The following AHDC1 variants were observed in gnomAD, a reference collection of about 807,000 sequenced individuals.
AHDC1 encodes the protein transcription factor Gibbin.
Under a neutral mutation model 87.9 loss-of-function variants are expected in AHDC1, and 7 were observed. That is an observed-to-expected ratio of 0.08 (90% confidence interval 0.05 to 0.15). The LOEUF (loss-of-function observed/expected upper bound fraction) is 0.15. Among genes scored for constraint, AHDC1 ranks in the 10% least tolerant of loss-of-function variants. The pLI, the probability that AHDC1 is intolerant of heterozygous loss-of-function variation, is 1.00. For synonymous variants in AHDC1, 1,051 were observed against 1,006.8 expected (o/e 1.04, Z -0.83); for missense variants, 1,841 against 2,253.2 (o/e 0.82, Z 3.70).
chr1:27,546,439 A>C (rs1272389897), intron 8 of AHDC1, among the ~76,000 whole-genome samples: 2 of 152,176 alleles, frequency 1.3e-5, no homozygotes. Flanking sequence ...ACACTCTTTA[A>C]CTGAACTCTC....
At chr1:27,540,074 TGAGGA>T (rs2018838056) in intron 8 of AHDC1, among the ~76,000 whole-genome samples, 1 of 152,176 alleles carries the variant, frequency 6.6e-6, no homozygotes, top group African/African-American at 2.4e-5. Flanking sequence ...AAGTGGAGGC[TGAGGA>T]AAGAGCAAGA....
At chr1:27,535,600 C>T (rs565089924) in intron 8 of AHDC1, among the ~76,000 whole-genome samples, 1 of 152,226 alleles carries the variant, frequency 6.6e-6, no homozygotes, top group South Asian at 2.1e-4. Context: ...CCTCTTCTTA[C>T]CAATGCCATT....
At chr1:27,584,765 C>G (rs2089001532) in intron 3 of AHDC1, among the ~76,000 whole-genome samples, 2 of 152,132 alleles carry the variant, frequency 1.3e-5, no homozygotes, top group Admixed American at 1.3e-4. Context: ...CCCCATCAAA[C>G]TTAGTGTTGG....
intron 3 of AHDC1, among the ~76,000 whole-genome samples, chr1:27,567,632 T>A (rs1309253701): frequency 6.6e-6 from 1 of 152,216 alleles, no homozygotes; most frequent in African/African-American, 2.4e-5. Flanking sequence ...CACATACTTG[T>A]GGCTCCTAAC....
chr1:27,586,414 A>G (rs547274953), intron 3 of AHDC1, among the ~76,000 whole-genome samples: 4 of 152,184 alleles, frequency 2.6e-5, no homozygotes, highest in Non-Finnish European at 5.9e-5. Flanking sequence ...TAACCCGGCA[A>G]TCACCTGGCC....
chr1:27,601,862 C>CCGG (rs903180415), intron 3 of AHDC1, among the ~76,000 whole-genome samples: 1 of 152,208 alleles, frequency 6.6e-6, no homozygotes, highest in African/African-American at 2.4e-5. Flanking sequence ...CCCCGCCCAG[C>CCGG]CGGCGGCGAC....
At position 27,551,321 on chromosome 1, in the gene AHDC1, C is replaced by T. The variant is rs759973586; in HGVS notation, c.795G>A (p.Glu265=). The T allele has an allele frequency of 1.2e-6, 2 of 1,612,444 alleles. No individual in the cohort carries two copies. The highest frequency in any genetic ancestry group is 1.3e-5 in the African/African-American group (1 of 75,016). The part of the protein sequence containing the change: ...EAQLLEAQAL[E]PPSPEPEPQL... ...GAGGCTCCGGCTCGGGCGATGGTGG[C>T]TCGAGGGCCTGGGCCTCTAGCAGCT... The change falls in exon 8 of 9, where the codon GAG becomes GAA. Residue 265 remains glutamate (E), a synonymous_variant. Transcript: ENST00000673934.
At chr1:27,542,174 T>C (rs557584355) in intron 8 of AHDC1, among the ~76,000 whole-genome samples, 1 of 152,320 alleles carries the variant, frequency 6.6e-6, no homozygotes, top group South Asian at 2.1e-4. Flanking sequence ...AATCATGACA[T>C]ATTACAGTCA....
chr1:27,575,987 C>G (rs916369657), intron 3 of AHDC1, among the ~76,000 whole-genome samples: 1 of 152,060 alleles, frequency 6.6e-6, no homozygotes, highest in African/African-American at 2.4e-5. Context: ...TGGAGGCGCC[C>G]GGCAGCGGTC....
In AHDC1 at chr1:27,561,864, G is replaced by A. The variant is rs2020101348; in HGVS notation, c.-628-2981C>T. 6.6e-6 allele frequency among the ~76,000 whole-genome samples: 1 copy of A among 152,110 alleles called. No individual in the cohort carries two copies. Among genetic ancestry groups the A allele is most frequent in the African/African-American group, 2.4e-5 (1 of 41,412 alleles). On this transcript the variant is annotated intron_variant, in intron 3 of 8. Transcript: ENST00000673934. The surrounding 1 kb of genome is among the most constrained non-coding windows in gnomAD (Gnocchi z 4.2). Reference sequence around the variant, plus strand: ...AACACAAAAGCAGAGACGGACTGGTGATGAGGGGCTCATGGAAGAAGGGAG... The same window carrying A: ...AACACAAAAGCAGAGACGGACTGGTAATGAGGGGCTCATGGAAGAAGGGAG...
rs776234139 is a variant in AHDC1 at position 27,551,205 on chromosome 1, G to C, written c.911C>G (p.Ala304Gly). The change falls in exon 8 of 9, where the codon GCT becomes GGT. Residue 304 changes from alanine (A) to glycine (G), a missense_variant. Physicochemically the swap from Ala to Gly is moderately conservative, Grantham distance 60. Coordinates refer to ENST00000673934, the MANE Select transcript of AHDC1 (RefSeq NM_001371928.1). ...CAGGCCCGGCAGCCCCAGAGGATCA[G>C]CAAGAGGTTGCAGGGGTGGCAGCTC... Reference protein sequence around the residue: ...ALELPPLQPLADPLGLPGLAL... With the variant: ...ALELPPLQPLGDPLGLPGLAL... 1.2e-6 allele frequency: 2 copies of C among 1,609,894 alleles called. No homozygotes were observed. The highest frequency in any genetic ancestry group is 1.7e-6 in the Non-Finnish European group (2 of 1,179,590).
In AHDC1 at chr1:27,550,113, C is replaced by G; in HGVS notation, c.2003G>C (p.Arg668Pro). ...FLHRVQGFRR[R>P]GGKAGGFGGR... is the part of the protein sequence containing the mutation. The stretch of plus-strand genomic sequence containing the variant: ...ACCAAAACCGCCTGCTTTGCCCCCA[C>G]GCCGCCGGAAGCCCTGCACACGATG... Residue 668 changes from arginine (R) to proline (P), a missense_variant, in exon 8 of 9, where the codon CGT becomes CCT. Physicochemically the swap from Arg to Pro is moderately radical, Grantham distance 103. Around this residue, in one of 13 missense-constraint regions of AHDC1, gnomAD observed 236 missense variants for 257.9 expected, o/e 0.92. Transcript: ENST00000673934. The G allele has an allele frequency of 6.2e-7, 1 of 1,610,350 alleles. No homozygotes were observed. The highest frequency in any genetic ancestry group is 8.5e-7 in the Non-Finnish European group (1 of 1,179,808).
At position 27,547,397 on chromosome 1, in the gene AHDC1, C is replaced by T. The variant is rs766141127; in HGVS notation, c.4719G>A (p.Ala1573=). 1.1e-5 allele frequency: 18 copies of T among 1,566,626 alleles called. No individual in the cohort carries two copies. The highest frequency in any genetic ancestry group is 1.5e-5 in the Non-Finnish European group (17 of 1,154,002). Residue 1573 remains alanine (A), a synonymous_variant, in exon 8 of 9, where the codon GCG becomes GCA. Transcript: ENST00000673934. The surrounding 1 kb of genome is among the most constrained non-coding windows in gnomAD (Gnocchi z 4.9). The part of the protein sequence containing the change: ...AYRYPGFMPQ[A]HPGLGGGPKS... Reference sequence around the variant, plus strand: ...TGGGGCCCCCACCCAGGCCAGGATGCGCCTGGGGCATAAAGCCTGGGTACC... The same window carrying T: ...TGGGGCCCCCACCCAGGCCAGGATGTGCCTGGGGCATAAAGCCTGGGTACC...
At position 27,552,009 on chromosome 1, in the gene AHDC1, CG is replaced by C; in HGVS notation, c.106del (p.Arg36GlyfsTer81). 1 of 81,016 alleles carries C rather than the reference CG, an allele frequency of 1.2e-5. No individual in the cohort carries two copies. The highest frequency in any genetic ancestry group is 1.5e-3 in the East Asian group (1 of 676). The allele number at this position is 81,016 out of a possible 1,614,324, so 5.0% of individuals were successfully genotyped here. The stretch of plus-strand genomic sequence containing the variant: ...AGGGGGCCGGGTGGGAAGCAGGGGC[CG>C]GGGGGTGGGGGGGCCGCCGGGGTAG... ...KYYPGGPPTP[R>X]PLLPTRPPAS... On this transcript the variant is annotated frameshift_variant, in exon 8 of 9. Transcript: ENST00000673934. LOFTEE classifies it high-confidence loss of function.
In AHDC1 at chr1:27,550,168, G is replaced by A. The variant is rs377758563; in HGVS notation, c.1948C>T (p.Pro650Ser). The A allele has an allele frequency of 5.0e-6, 8 of 1,611,534 alleles. No individual in the cohort carries two copies. Among genetic ancestry groups the A allele is most frequent in the Non-Finnish European group, 6.8e-6 (8 of 1,179,872 alleles). ...PSEPESVHQA[P>S]DTQSISHFLH... ...AAGTGGGAGATGCTCTGGGTGTCGG[G>A]GGCCTGGTGCACCGACTCCGGCTCA... Residue 650 changes from proline to serine, a missense_variant, in exon 8 of 9, where the codon CCC (proline) becomes TCC (serine). By Grantham distance (74) the Pro-to-Ser change is moderately conservative. Transcript: ENST00000673934.
intron 3 of AHDC1, among the ~76,000 whole-genome samples, chr1:27,575,707 T>G (rs2088706956): frequency 6.6e-6 from 1 of 150,804 alleles, no homozygotes; most frequent in Non-Finnish European, 1.5e-5. Flanking sequence ...CCCGGCCGGG[T>G]AGCCACGTCT....
intron 3 of AHDC1, among the ~76,000 whole-genome samples, chr1:27,575,292 G>A (rs1486574263): frequency 6.6e-6 from 1 of 152,210 alleles, no homozygotes; most frequent in Non-Finnish European, 1.5e-5. Context: ...GGAGGTGACG[G>A]GCGGAGAGGG....
chr1:27,589,808 G>A (rs141852377), intron 3 of AHDC1, among the ~76,000 whole-genome samples: 5 of 152,272 alleles, frequency 3.3e-5, no homozygotes, highest in East Asian at 3.9e-4. Flanking sequence ...GGGATCATTC[G>A]TCTTCCTGTC....
chr1:27,546,280 G>A (rs531960559), intron 8 of AHDC1, among the ~76,000 whole-genome samples: 41 of 152,274 alleles, frequency 2.7e-4, no homozygotes, highest in African/African-American at 9.6e-4. Flanking sequence ...TCAAGAAGAT[G>A]GCTCCTTCAA....
Sources: gnomAD v4.1 joint callset for allele counts (sites outside exome capture counted in the v4.1 genomes callset) on GRCh38, gnomAD v4.1.1 for gene constraint, gnomAD v4.1.1 regional missense constraint, Gnocchi (gnomAD v3.1) non-coding constraint, MANE v1.5 for transcripts, NCBI Gene and HGNC (gene_info 2026-07-23, HGNC 2026-07-21) for gene names.